EYS: variants seen among roughly 807,000 people sequenced by gnomAD.
EYS encodes protein eyes shut homolog.
Under a neutral mutation model 282.1 loss-of-function variants are expected in EYS, and 250 were observed. The ratio of observed to expected loss-of-function variants is 0.89; its 90% CI spans 0.80 to 0.98. EYS has a LOEUF of 0.98. Among genes scored for constraint, EYS ranks in the 50% least tolerant of loss-of-function variants. The probability of loss-of-function intolerance (pLI) is 0.00; values close to 1 mark genes in which losing one functional copy is unlikely to be tolerated. For missense variants in EYS, 4,016 were observed against 3,709.0 expected, an observed-to-expected ratio of 1.08 and a Z score of -2.15; for synonymous variants, 1,355 against 1,282.9, an observed-to-expected ratio of 1.06 and a Z score of -1.20.
chr6:65,349,519 A>G, intron 9 of EYS, among the ~76,000 whole-genome samples: 1 of 151,516 alleles, frequency 6.6e-6, no homozygotes, highest in Non-Finnish European at 1.5e-5. Flanking sequence ...TTTTAAGTTT[A>G]CAGATGAAAC....
At chr6:64,916,966 C>A (rs528211842) in intron 15 of EYS, among the ~76,000 whole-genome samples, 4 of 152,256 alleles carry the variant, frequency 2.6e-5, no homozygotes, top group South Asian at 2.1e-4. Context: ...AGAAATACTA[C>A]TCATTAAGGT....
intron 5 of EYS, among the ~76,000 whole-genome samples, chr6:65,463,671 G>T (rs1474626745): frequency 6.6e-6 from 1 of 152,024 alleles, no homozygotes; most frequent in Admixed American, 6.6e-5. Flanking sequence ...AAAAAGTATG[G>T]TTTGTCTCCT....
At chr6:65,158,036 C>T (rs1764769547) in intron 12 of EYS, among the ~76,000 whole-genome samples, 1 of 150,730 alleles carries the variant, frequency 6.6e-6, no homozygotes, top group African/African-American at 2.4e-5. Context: ...TCATACCAAC[C>T]TTATAAATTG....
intron 22 of EYS, among the ~76,000 whole-genome samples, chr6:64,773,270 T>C (rs1457250733): frequency 1.3e-5 from 2 of 151,888 alleles, no homozygotes; most frequent in Non-Finnish European, 2.9e-5. Flanking sequence ...GCTTAGGATA[T>C]GGCTTCTAGC....
rs566590965 is a variant in EYS at position 63,960,046 on chromosome 6, A to G, written c.7055+24337T>C. The stretch of plus-strand genomic sequence containing the variant: ...AAAATTAAAAAAAAAAAAAGGAATT[A>G]CATTTTGTAAGGCTATAACTGCCAT... On this transcript the variant is annotated intron_variant, in intron 35 of 42. Transcript: ENST00000503581. 9.2e-5 allele frequency among the ~76,000 whole-genome samples: 14 copies of G among 152,184 alleles called. No homozygotes were observed. The South Asian group carries it at 2.3e-3, about 25-fold the overall frequency.
At chr6:63,830,179 C>T (rs1381991609) in intron 36 of EYS, among the ~76,000 whole-genome samples, 3 of 152,212 alleles carry the variant, frequency 2.0e-5, no homozygotes, top group Non-Finnish European at 2.9e-5. Flanking sequence ...AGGAAAACAG[C>T]TCTTCACCAG....
At position 63,843,876 on chromosome 6, in the gene EYS, G is replaced by A. The variant is rs570394036; in HGVS notation, c.7228+20310C>T. ...TTCACCTTTTATTTTAAGTTCTGGG[G>A]TACATGTGCAGGGTGTGCAGGTTTG... On this transcript the variant is annotated intron_variant, in intron 36 of 42. Coordinates refer to ENST00000503581, the MANE Select transcript of EYS (RefSeq NM_001142800.2). Among the ~76,000 whole-genome samples the A allele has an allele frequency of 3.3e-5, 5 of 152,288 alleles. No homozygotes were observed. In the South Asian group the frequency reaches 6.2e-4, roughly 19 times the overall value.
chr6:64,762,307 C>CAA (rs2149979390), intron 22 of EYS, among the ~76,000 whole-genome samples: 1 of 152,278 alleles, frequency 6.6e-6, no homozygotes, highest in East Asian at 1.9e-4. Context: ...TTGCAGAAGG[C>CAA]AAAAGCTAAC....
intron 26 of EYS, among the ~76,000 whole-genome samples, chr6:64,460,150 A>T (rs956358819): frequency 6.6e-6 from 1 of 152,186 alleles, no homozygotes; most frequent in Non-Finnish European, 1.5e-5. Context: ...AATATTTTTT[A>T]AAAATATATT....
intron 26 of EYS, among the ~76,000 whole-genome samples, chr6:64,564,113 C>T (rs988874814): frequency 8.6e-5 from 13 of 151,772 alleles, no homozygotes; most frequent in Non-Finnish European, 1.3e-4. Context: ...CATATACCCA[C>T]GAGTGGGATT....
intron 31 of EYS, among the ~76,000 whole-genome samples, chr6:64,180,699 T>C (rs1208843120): frequency 6.6e-6 from 1 of 152,148 alleles, no homozygotes; most frequent in Non-Finnish European, 1.5e-5. Context: ...ATAAGTGAAC[T>C]CTACAAGTAT....
At chr6:64,562,688 A>C (rs529888381) in intron 26 of EYS, among the ~76,000 whole-genome samples, 1 of 151,938 alleles carries the variant, frequency 6.6e-6, no homozygotes, top group Non-Finnish European at 1.5e-5. Context: ...AAAATAGAAG[A>C]TTGTTATAGA....
intron 12 of EYS, among the ~76,000 whole-genome samples, chr6:65,184,459 T>C (rs1458860712): frequency 6.6e-6 from 1 of 151,852 alleles, no homozygotes; most frequent in Non-Finnish European, 1.5e-5. Context: ...ACTATAAAAA[T>C]GGCAATTAAA....
chr6:64,635,476 T>C (rs147064025), intron 22 of EYS, among the ~76,000 whole-genome samples: 4,085 of 152,234 alleles, frequency 0.027, 198 homozygotes, highest in African/African-American at 0.093. Context: ...AGATAGCTCT[T>C]ATTATTTTGA....
At chr6:65,647,689 A>G (rs865945636) in intron 1 of EYS, among the ~76,000 whole-genome samples, 7 of 152,302 alleles carry the variant, frequency 4.6e-5, no homozygotes, top group Middle Eastern at 6.8e-3. Flanking sequence ...ATTAACCAAA[A>G]AGCTTTTGCT....
At chr6:64,072,466 A>G (rs1257973733) in intron 32 of EYS, among the ~76,000 whole-genome samples, 2 of 151,466 alleles carry the variant, frequency 1.3e-5, no homozygotes, top group Non-Finnish European at 2.9e-5. Flanking sequence ...TTTTATCTGA[A>G]TTTGAGAGTA....
chr6:65,618,347 T>A (rs1317565720), intron 2 of EYS, among the ~76,000 whole-genome samples: 4 of 152,278 alleles, frequency 2.6e-5, no homozygotes, highest in African/African-American at 9.6e-5. Context: ...TGCATGAATG[T>A]CTTCTTTTGA....
chr6:65,700,972 A>C (rs1160275707), intron 1 of EYS, among the ~76,000 whole-genome samples: 1 of 152,162 alleles, frequency 6.6e-6, no homozygotes, highest in Non-Finnish European at 1.5e-5. Flanking sequence ...ATATTGCTAT[A>C]CAGCATCTCA....
intron 33 of EYS, among the ~76,000 whole-genome samples, chr6:64,005,386 T>C (rs541958416): frequency 2.0e-5 from 3 of 152,292 alleles, no homozygotes; most frequent in East Asian, 1.9e-4. Context: ...GTCAGATGCA[T>C]AGTTTGAAAT....
Sources: gnomAD v4.1 joint callset for allele counts (sites outside exome capture counted in the v4.1 genomes callset) on GRCh38, gnomAD v4.1.1 for gene constraint, MANE v1.5 for transcripts, NCBI Gene and HGNC (gene_info 2026-07-23, HGNC 2026-07-21) for gene names.